Variants in FAM114A2 observed in about 807,000 individuals in gnomAD.
The protein encoded by FAM114A2 is family with sequence similarity 114 member A2, also known as protein FAM114A2.
In FAM114A2, 53 loss-of-function variants were observed where a neutral mutation model predicts 58.4. That is an observed-to-expected ratio of 0.91 (90% CI 0.73 to 1.14). The LOEUF (loss-of-function observed/expected upper bound fraction) is 1.14, where lower values mean the gene tolerates loss of function less well. Ranked by LOEUF, FAM114A2 falls within the 50% of genes most tolerant of loss-of-function variation. The pLI is 0.00. For missense variants in FAM114A2, 601 were observed against 581.1 expected, an observed-to-expected ratio of 1.03 and a Z score of -0.35; for synonymous variants, 228 against 211.4, an observed-to-expected ratio of 1.08 and a Z score of -0.68.
intron 2 of FAM114A2, 120 bp downstream of exon 2, chr5:154,034,624 T>C: frequency 1.3e-6 from 1 of 780,236 alleles, no homozygotes; most frequent in Non-Finnish European, 2.1e-6. Context: ...TTTAGGGTTG[T>C]AAAGAGAAAG....
intron 13 of FAM114A2, among the ~76,000 whole-genome samples, chr5:153,993,485 A>G (rs1266851034): frequency 6.6e-6 from 1 of 152,184 alleles, no homozygotes; most frequent in East Asian, 1.9e-4. Context: ...TAAATCCTAC[A>G]CCTATAGAAT....
rs117811973 is a variant in FAM114A2, at chr5:154,024,108, T to A, written c.913+2291A>T. Among the ~76,000 whole-genome samples the A allele has an allele frequency of 2.8e-4, 43 of 152,234 alleles. No homozygotes were observed. In the East Asian group the frequency reaches 6.7e-3, roughly 24 times the overall value. ...AACAGTGAAGTAAAAGATGAACAGA[T>A]AAATGAACAGAAAGAAATAAAGATG... On this transcript the variant is annotated intron_variant, in intron 8 of 13. Transcript: ENST00000351797.
At chr5:154,034,592 T>A (rs1268787774) in intron 2 of FAM114A2, 152 bp downstream of exon 2, 2 of 677,692 alleles carry the variant, frequency 3.0e-6, no homozygotes, top group Non-Finnish European at 5.1e-6. Context: ...TAAAGGCATT[T>A]ATAGAACTGA....
chr5:154,026,537 G>A lies in FAM114A2; in HGVS notation c.790-15C>T. Reference sequence around the variant, plus strand: ...ATAGATTTCACCTGAATGGATACAAGAACAAAATGTTGTAGGAGTATGAAA... The same window carrying A: ...ATAGATTTCACCTGAATGGATACAAAAACAAAATGTTGTAGGAGTATGAAA... On this transcript the variant is annotated splice_polypyrimidine_tract_variant and intron_variant, in intron 7 of 13. Transcript: ENST00000351797. 6 of 1,447,038 alleles carry A rather than the reference G, an allele frequency of 4.1e-6. No individual in the cohort carries two copies. Among genetic ancestry groups the A allele is most frequent in the South Asian group, 3.1e-5 (2 of 65,424 alleles). 89.6% of individuals were successfully genotyped at this position (1,447,038 alleles called of 1,614,324 possible).
intron 8 of FAM114A2, among the ~76,000 whole-genome samples, chr5:154,017,114 G>T (rs1771088768): frequency 6.6e-6 from 1 of 152,186 alleles, no homozygotes; most frequent in Non-Finnish European, 1.5e-5. Flanking sequence ...AACACTGGAG[G>T]TCCCAAATTT....
chr5:154,001,628 CAGGACATTTGCTT>C (rs1453839058), intron 11 of FAM114A2, among the ~76,000 whole-genome samples: 5 of 152,174 alleles, frequency 3.3e-5, no homozygotes, highest in African/African-American at 1.2e-4. Flanking sequence ...TTATTTTAAT[CAGGACATTTGCTT>C]AGAAACTACT....
In FAM114A2 at chr5:153,993,575, T is replaced by C. The variant is rs1013514508; in HGVS notation, c.1384-465A>G. ...CAATAACTGCTCACACACATAAACA[T>C]CTTTCACACATATACTGCTTTCAAA... On this transcript the variant is annotated intron_variant, in intron 13 of 13. Transcript: ENST00000351797. Among the ~76,000 whole-genome samples, 63 of 152,256 alleles carry C rather than the reference T, an allele frequency of 4.1e-4. 1 individual carries two copies. Among genetic ancestry groups the C allele is most frequent in the African/African-American group, 1.4e-3 (60 of 41,540 alleles).
intron 8 of FAM114A2, among the ~76,000 whole-genome samples, chr5:154,016,636 A>G (rs1312689317): frequency 2.0e-5 from 3 of 152,166 alleles, no homozygotes; most frequent in Admixed American, 6.5e-5. Flanking sequence ...GGAGCTCTCA[A>G]TCTTGAAACA....
At chr5:154,010,968 C>T (rs185386201) in intron 9 of FAM114A2, among the ~76,000 whole-genome samples, 12 of 152,208 alleles carry the variant, frequency 7.9e-5, no homozygotes, top group Admixed American at 7.2e-4. Flanking sequence ...CTTTTAATGA[C>T]CAACATTGTA....
chr5:154,034,985 CA>C lies in FAM114A2; in HGVS notation c.-14-19del. The C allele has an allele frequency of 5.6e-6, 8 of 1,439,190 alleles. No homozygotes were observed. The highest frequency in any genetic ancestry group is 7.7e-6 in the Non-Finnish European group (8 of 1,040,588). 89.2% of individuals were successfully genotyped at this position (1,439,190 alleles called of 1,614,324 possible). A position where few individuals can be genotyped will look rare whatever the true frequency, so the allele number is the denominator to read the frequency against. ...AACATCAGCTGGTAAAATGAAAGCC[CA>C]AAAAAAATTTATATAGGCTTCTTTG... is the stretch of plus-strand genomic sequence containing the variant. On this transcript the variant is annotated intron_variant, in intron 1 of 13. Coordinates refer to ENST00000351797, the MANE Select transcript of FAM114A2 (RefSeq NM_018691.4).
At chr5:154,027,491 C>A in intron 6 of FAM114A2, 157 bp from the exon 7 acceptor site, 1 of 510,772 alleles carries the variant, frequency 2.0e-6, no homozygotes, top group Non-Finnish European at 3.3e-6. Flanking sequence ...TCAGGAGCTG[C>A]AGAAAGAAAA....
At chr5:154,037,323 C>A (rs141529019) in intron 1 of FAM114A2, 1 of 152,192 alleles carries the variant, frequency 6.6e-6, no homozygotes, top group Admixed American at 6.5e-5. Context: ...ACACATTACA[C>A]ATTTCCAAAA....
At chr5:154,034,138 A>G in intron 3 of FAM114A2, 140 bp downstream of exon 3, 1 of 632,068 alleles carries the variant, frequency 1.6e-6, no homozygotes. Flanking sequence ...ATATCAGCCC[A>G]TCATTACTAA....
chr5:154,014,679 T>C (rs1032061706), intron 8 of FAM114A2, among the ~76,000 whole-genome samples: 3 of 152,010 alleles, frequency 2.0e-5, no homozygotes, highest in African/African-American at 7.3e-5. Context: ...TAGCAAGCAG[T>C]TTCCATCTTG....
intron 8 of FAM114A2, among the ~76,000 whole-genome samples, chr5:154,015,028 C>G (rs1186176927): frequency 6.6e-6 from 1 of 152,082 alleles, no homozygotes; most frequent in African/African-American, 2.4e-5. Flanking sequence ...GCTGGCTTTC[C>G]CCCACTTCCC....
At position 154,038,895 on chromosome 5, in the gene FAM114A2, AC is replaced by A. The variant is rs1477986316; in HGVS notation, c.-54del. 9.9e-5 allele frequency: 15 copies of A among 152,084 alleles called. No homozygotes were observed. The highest frequency in any genetic ancestry group is 3.4e-4 in the African/African-American group (14 of 41,300). 9.4% of individuals were successfully genotyped at this position (152,084 alleles called of 1,614,324 possible). Reference sequence around the variant, plus strand: ...ACCCTCAGCACAGCCACGGCAGCCGACTCGGCGTTCCTACTGCCCCGGAAGT... The same window carrying A: ...ACCCTCAGCACAGCCACGGCAGCCGATCGGCGTTCCTACTGCCCCGGAAGT... On this transcript the variant is annotated 5_prime_UTR_variant, in exon 1 of 14. Coordinates refer to ENST00000351797, the MANE Select transcript of FAM114A2 (RefSeq NM_018691.4).
intron 6 of FAM114A2, 119 bp from the exon 7 acceptor site, chr5:154,027,453 T>G (rs561959405): frequency 1.4e-6 from 1 of 696,840 alleles, no homozygotes; most frequent in East Asian, 3.0e-5. Context: ...CCTTTCATTC[T>G]TGGCACTGCT....
chr5:154,001,544 T>G (rs1323235494), intron 11 of FAM114A2, among the ~76,000 whole-genome samples: 4 of 152,214 alleles, frequency 2.6e-5, no homozygotes, highest in Non-Finnish European at 4.4e-5. Context: ...AGAGGAAGTC[T>G]GCAGAAGACT....
At chr5:154,024,518 A>G (rs888335185) in intron 8 of FAM114A2, among the ~76,000 whole-genome samples, 5 of 152,154 alleles carry the variant, frequency 3.3e-5, no homozygotes, top group Non-Finnish European at 7.4e-5. Context: ...TTTTATATTC[A>G]GTCTGTTATG....
Sources: gnomAD v4.1 joint callset for allele counts (sites outside exome capture counted in the v4.1 genomes callset) on GRCh38, gnomAD v4.1.1 for gene constraint, MANE v1.5 for transcripts, NCBI Gene and HGNC (gene_info 2026-07-23, HGNC 2026-07-21) for gene names.